Variants in RERE observed in about 807,000 individuals in gnomAD.
The protein encoded by RERE is arginine-glutamic acid dipeptide repeats.
A neutral mutation model predicts 146.1 loss-of-function variants in RERE; 40 were observed. The observed-to-expected ratio is 0.27, with a 90% CI of 0.21 to 0.36. The LOEUF (loss-of-function observed/expected upper bound fraction) is 0.36, where lower values mean the gene tolerates loss of function less well. Among genes scored for constraint, RERE ranks in the 10% least tolerant of loss-of-function variants. RERE has a pLI of 1.00. For synonymous variants in RERE, 1,003 were observed against 866.0 expected (o/e 1.16, Z -2.78); for missense variants, 1,933 against 2,138.7 (o/e 0.90, Z 1.90).
At chr1:8,633,061 A>G (rs1444731549) in intron 2 of RERE, among the ~76,000 whole-genome samples, 1 of 152,206 alleles carries the variant, frequency 6.6e-6, no homozygotes, top group Non-Finnish European at 1.5e-5. Flanking sequence ...AAATATACAA[A>G]CAAGGCACAT....
At chr1:8,481,903 G>T (rs531932561) in intron 10 of RERE, among the ~76,000 whole-genome samples, 1 of 152,318 alleles carries the variant, frequency 6.6e-6, no homozygotes, top group Admixed American at 6.5e-5. Context: ...TAACTGAGGG[G>T]TATCCCTGGG....
Position 8,513,866 on chromosome 1 carries a change from T to TA in RERE, c.831-5192dup, listed in dbSNP as rs1181956716. ...CAAGGTGAGTCTAAAAGCCTATCAA[T>TA]AGTCTTTTGACTGTGCTACTCTGAA... On this transcript the variant is annotated intron_variant, in intron 7 of 22. Coordinates refer to ENST00000400908, the MANE Select transcript of RERE (RefSeq NM_001042681.2). Among the ~76,000 whole-genome samples, 85 of 152,258 alleles carry TA rather than the reference T, an allele frequency of 5.6e-4. 1 individual carries two copies. Among genetic ancestry groups the TA allele is most frequent in the Admixed American group, 5.5e-3 (84 of 15,286 alleles).
intron 10 of RERE, among the ~76,000 whole-genome samples, chr1:8,490,969 T>C (rs1219842630): frequency 2.0e-5 from 3 of 150,726 alleles, no homozygotes; most frequent in Non-Finnish European, 4.4e-5. Context: ...TACATAAATC[T>C]TACCTCAATA....
rs147501898 is a variant in RERE at position 8,594,081 on chromosome 1, C to T, written c.522+20480G>A. Among the ~76,000 whole-genome samples, 1,132 of 152,316 alleles carry T rather than the reference C, an allele frequency of 7.4e-3. 9 individuals are homozygous for T. The highest frequency in any genetic ancestry group is 0.011 in the Non-Finnish European group (766 of 68,028). On this transcript the variant is annotated intron_variant, in intron 4 of 22. Transcript: ENST00000400908. The stretch of plus-strand genomic sequence containing the variant: ...ACTGACGCTCCCATTTTGCAGACCA[C>T]TACAAAAATGTCACAGCACTACATT...
At chr1:8,401,017 CAAAAAAAAAA>C (rs142269202) in intron 12 of RERE, among the ~76,000 whole-genome samples, 1 of 65,142 alleles carries the variant, frequency 1.5e-5, no homozygotes, top group African/African-American at 5.8e-5. Flanking sequence ...GACTCTGTCT[CAAAAAAAAAA>C]AAAAAAAAAC....
At chr1:8,394,795 G>GTA (rs889877535) in intron 12 of RERE, among the ~76,000 whole-genome samples, 235 of 151,588 alleles carry the variant, frequency 1.6e-3, no homozygotes, top group African/African-American at 5.0e-3. Context: ...TCCACTACTA[G>GTA]TATATATATA....
rs200112891 is a variant in RERE, at chr1:8,716,822, T to TA, written c.-144-60382dup. 2.8e-3 allele frequency among the ~76,000 whole-genome samples: 422 copies of TA among 151,206 alleles called. 1 individual carries two copies. Among genetic ancestry groups the TA allele is most frequent in the African/African-American group, 9.3e-3 (385 of 41,228 alleles). ...TCAGAATGGAAAAAAAGAAAAGGAA[T>TA]AAAAAAAAACCTAGCCAAAGAAGCA... On this transcript the variant is annotated intron_variant, in intron 1 of 22. Transcript: ENST00000400908.
intron 12 of RERE, among the ~76,000 whole-genome samples, chr1:8,368,203 C>T (rs1437559294): frequency 1.3e-5 from 2 of 152,126 alleles, no homozygotes; most frequent in Non-Finnish European, 2.9e-5. Flanking sequence ...GGTGCGGTGG[C>T]TCACGCCTGT....
chr1:8,561,372 C>T (rs1346751575), intron 4 of RERE, among the ~76,000 whole-genome samples: 1 of 152,020 alleles, frequency 6.6e-6, no homozygotes, highest in African/African-American at 2.4e-5. Flanking sequence ...CTAAATAGGC[C>T]GGTAACTTAA....
intron 10 of RERE, among the ~76,000 whole-genome samples, chr1:8,472,824 A>C (rs554419877): frequency 2.6e-5 from 4 of 151,562 alleles, no homozygotes; most frequent in South Asian, 2.1e-4. Context: ...GCACTTTCAG[A>C]TTCATCACCA....
At chr1:8,415,039 A>C (rs756041191) in intron 12 of RERE, among the ~76,000 whole-genome samples, 19 of 152,232 alleles carry the variant, frequency 1.2e-4, no homozygotes, top group Admixed American at 3.3e-4. Context: ...AAGGATTATA[A>C]TTTCAGATAC....
At chr1:8,650,001 G>A (rs913901897) in intron 2 of RERE, among the ~76,000 whole-genome samples, 1 of 152,114 alleles carries the variant, frequency 6.6e-6, no homozygotes, top group Non-Finnish European at 1.5e-5. Context: ...CTTAAGAAAA[G>A]ATAAGAATTA....
At chr1:8,719,056 A>T (rs1256080619) in intron 1 of RERE, among the ~76,000 whole-genome samples, 3 of 152,052 alleles carry the variant, frequency 2.0e-5, no homozygotes, top group African/African-American at 7.2e-5. Context: ...TCACCCCACT[A>T]AAAAAAAGAA....
intron 1 of RERE, among the ~76,000 whole-genome samples, chr1:8,665,713 A>T (rs990401923): frequency 5.9e-5 from 9 of 152,212 alleles, no homozygotes; most frequent in African/African-American, 2.2e-4. Flanking sequence ...AATGCCCCCA[A>T]AATAATAAAG....
chr1:8,630,300 C>G (rs1477205860), intron 2 of RERE, among the ~76,000 whole-genome samples: 1 of 152,046 alleles, frequency 6.6e-6, no homozygotes, highest in Non-Finnish European at 1.5e-5. Flanking sequence ...CATAAAACAG[C>G]CAAACCCATC....
intron 1 of RERE, among the ~76,000 whole-genome samples, chr1:8,746,365 A>G (rs1174973611): frequency 6.6e-6 from 1 of 152,140 alleles, no homozygotes; most frequent in Non-Finnish European, 1.5e-5. Context: ...TGCTCACCAT[A>G]CTAAATCCTC....
At chr1:8,675,632 A>T (rs1435577109) in intron 1 of RERE, among the ~76,000 whole-genome samples, 2 of 152,024 alleles carry the variant, frequency 1.3e-5, no homozygotes, top group Non-Finnish European at 2.9e-5. Flanking sequence ...CTGAGGAAGG[A>T]GAATCACTTG....
chr1:8,781,895 G>T (rs1169027113), intron 1 of RERE, among the ~76,000 whole-genome samples: 1 of 152,008 alleles, frequency 6.6e-6, no homozygotes, highest in Admixed American at 6.6e-5. Flanking sequence ...TGGTTTTACT[G>T]ACAAGCAGTT....
At chr1:8,562,669 G>A (rs1646092895) in intron 4 of RERE, among the ~76,000 whole-genome samples, 1 of 152,044 alleles carries the variant, frequency 6.6e-6, no homozygotes, top group South Asian at 2.1e-4. Context: ...TGTAGAGGTG[G>A]ACATCTTGCT....
Sources: gnomAD v4.1 joint callset for allele counts (sites outside exome capture counted in the v4.1 genomes callset) on GRCh38, gnomAD v4.1.1 for gene constraint, MANE v1.5 for transcripts, NCBI Gene and HGNC (gene_info 2026-07-23, HGNC 2026-07-21) for gene names.